DNMT3L: variants seen among roughly 807,000 people sequenced by gnomAD.
DNMT3L encodes DNA methyltransferase 3 like.
A neutral mutation model predicts 36.2 loss-of-function variants in DNMT3L; 33 were observed. The ratio of observed to expected loss-of-function variants is 0.91; its 90% CI spans 0.69 to 1.22. DNMT3L has a LOEUF of 1.22. Ranked by LOEUF, DNMT3L falls within the 50% of genes most tolerant of loss-of-function variation. DNMT3L has a pLI of 0.00. For synonymous variants in DNMT3L, 117 were observed against 121.7 expected (o/e 0.96, Z 0.26); for missense variants, 310 against 303.1 (o/e 1.02, Z -0.17).
intron 3 of DNMT3L, 114 bp from the exon 4 acceptor site, chr21:44,259,825 G>T: frequency 9.2e-7 from 1 of 1,087,992 alleles, no homozygotes; most frequent in Non-Finnish European, 1.4e-6. Flanking sequence ...AAACTGCAAA[G>T]TATTGTTGGA....
Position 44,261,211 on chromosome 21 carries a change from C to G in DNMT3L, c.49G>C (p.Val17Leu). 1 of 1,612,722 alleles carries G rather than the reference C, an allele frequency of 6.2e-7. No homozygotes were observed. The highest frequency in any genetic ancestry group is 1.1e-5 in the South Asian group (1 of 91,088). The change falls in exon 2 of 12, where the codon GTG becomes CTG. Residue 17 changes from valine (V) to leucine (L), a missense_variant. Val to Leu is a conservative substitution (Grantham distance 32). Transcript: ENST00000628202. ...LDPEAEPSMDVILVGSSELSS... is the reference protein window; with the variant it reads ...LDPEAEPSMDLILVGSSELSS... The stretch of plus-strand genomic sequence containing the variant: ...AGCTCACTGGATCCCACCAAAATCA[C>G]GTCCATGCTGGGCTCGGCCTCTGGG...
chr21:44,254,589 G>C lies in DNMT3L; in HGVS notation c.693+28C>G, dbSNP rs938535860. On this transcript the variant is annotated intron_variant, in intron 8 of 11. Transcript: ENST00000628202. ...AGCTCGCACCCCCGCTCCCACTACAGTGTCTGAGAGTTCACGGCGGTACTC... is the reference window on the plus strand; with the variant it reads ...AGCTCGCACCCCCGCTCCCACTACACTGTCTGAGAGTTCACGGCGGTACTC... 40 of 1,611,512 alleles carry C rather than the reference G, an allele frequency of 2.5e-5. No homozygotes were observed. In the Admixed American group the frequency reaches 6.5e-4, roughly 26 times the overall value.
intron 8 of DNMT3L, among the ~76,000 whole-genome samples, chr21:44,254,001 G>A (rs1425373949): frequency 6.6e-6 from 1 of 152,178 alleles, no homozygotes; most frequent in Non-Finnish European, 1.5e-5. Context: ...CGGAGGTGAG[G>A]GGGGGCTGCT....
At chr21:44,259,734 ACT>A in intron 3 of DNMT3L, 23 bp from the exon 4 acceptor site, 1 of 1,597,414 alleles carries the variant, frequency 6.3e-7, no homozygotes, top group Non-Finnish European at 8.5e-7. Context: ...TTCAAAGCAC[ACT>A]GTGTTTTCCC....
chr21:44,255,501 G>GCC (rs1462518474), intron 7 of DNMT3L, among the ~76,000 whole-genome samples: 10 of 59,224 alleles, frequency 1.7e-4, no homozygotes, highest in African/African-American at 1.5e-3. Context: ...GCGAGACTCC[G>GCC]CCTCAAAAAA....
intron 7 of DNMT3L, among the ~76,000 whole-genome samples, chr21:44,254,939 C>T (rs576332472): frequency 6.6e-6 from 1 of 152,288 alleles, no homozygotes; most frequent in South Asian, 2.1e-4. Context: ...GGTTCCCCTG[C>T]CTCAACCTCC....
intron 7 of DNMT3L, among the ~76,000 whole-genome samples, chr21:44,255,366 C>A (rs986726604): frequency 1.1e-4 from 16 of 151,940 alleles, no homozygotes; most frequent in African/African-American, 3.6e-4. Flanking sequence ...ACTAAAAACA[C>A]AAAAATTAGC....
chr21:44,254,554 C>A (rs2040242529), intron 8 of DNMT3L, 63 bp downstream of exon 8: 1 of 1,574,602 alleles, frequency 6.4e-7, no homozygotes, highest in Non-Finnish European at 8.7e-7. Context: ...CTTGGCATTT[C>A]CTCTGAGGAA....
In DNMT3L at chr21:44,257,456, C is replaced by T. The variant is rs1471679099; in HGVS notation, c.516+1067G>A. 1.5e-3 allele frequency among the ~76,000 whole-genome samples: 227 copies of T among 151,752 alleles called. 1 individual carries two copies. The highest frequency in any genetic ancestry group is 4.1e-3 in the African/African-American group (170 of 41,364). Reference sequence around the variant, plus strand: ...CAGCACTTTGGGAGGCCGAGGCGGGCGGATCACGAGGTCAGGAGATCGAGA... The same window carrying T: ...CAGCACTTTGGGAGGCCGAGGCGGGTGGATCACGAGGTCAGGAGATCGAGA... On this transcript the variant is annotated intron_variant, in intron 6 of 11. Transcript: ENST00000628202.
chr21:44,257,593 A>C (rs2040270569), intron 6 of DNMT3L, among the ~76,000 whole-genome samples: 1 of 148,704 alleles, frequency 6.7e-6, no homozygotes, highest in Non-Finnish European at 1.5e-5. Context: ...AGGCAGGAGA[A>C]TGGCGTGAAC....
chr21:44,257,675 C>T (rs1423825799), intron 6 of DNMT3L, among the ~76,000 whole-genome samples: 4 of 96,220 alleles, frequency 4.2e-5, no homozygotes, highest in South Asian at 6.4e-4. Flanking sequence ...AGCGAGACTC[C>T]GTCTCAAAAA....
intron 1 of DNMT3L, among the ~76,000 whole-genome samples, 197 bp from the exon 2 acceptor site, chr21:44,261,463 G>T (rs572366785): frequency 6.6e-6 from 1 of 152,204 alleles, no homozygotes; most frequent in Non-Finnish European, 1.5e-5. Flanking sequence ...GCCCTGAGAG[G>T]GGCTCAAGGG....
At position 44,258,535 on chromosome 21, in the gene DNMT3L, G is replaced by A. The variant is rs61740928; in HGVS notation, c.504C>T (p.Tyr168=). Residue 168 remains tyrosine, a synonymous_variant, in exon 6 of 12, where the codon TAC becomes TAT. Coordinates refer to ENST00000628202, the MANE Select transcript of DNMT3L (RefSeq NM_175867.3). This position sits in a 1 kb window ranked among gnomAD's most constrained non-coding sequence, Gnocchi z 6.2. ...RKWRSQLKAF[Y]DRESENPLEM... is the part of the protein sequence containing the mutation. ...ACGGGCTCCTTACCGACTCTCGGTC[G>A]TAGAAGGCCTTGAGCTGGCTGCGCC... is the stretch of plus-strand genomic sequence containing the variant. The A allele has an allele frequency of 5.5e-5, 86 of 1,576,948 alleles. No individual in the cohort carries two copies. Among genetic ancestry groups the A allele is most frequent in the African/African-American group, 3.9e-4 (29 of 74,304 alleles).
chr21:44,255,914 G>T (rs1416260488), intron 7 of DNMT3L, among the ~76,000 whole-genome samples, 153 bp downstream of exon 7: 3 of 151,976 alleles, frequency 2.0e-5, no homozygotes, highest in East Asian at 3.9e-4. Flanking sequence ...CCCAGTGCAG[G>T]GTTAGCATGG....
chr21:44,260,887 T>C, intron 2 of DNMT3L, 48 bp from the exon 3 acceptor site: 1 of 1,612,434 alleles, frequency 6.2e-7, no homozygotes, highest in Admixed American at 1.7e-5. Flanking sequence ...CTCTGATCTC[T>C]TAATTTAAAT....
Position 44,258,633 on chromosome 21 carries a change from C to T in DNMT3L, c.406G>A (p.Ala136Thr), listed in dbSNP as rs796569036. ...VGPGTSGKVH[A>T]MSNWVCYLCL... ...AGGTAGCACACCCAGTTGCTCATGG[C>T]GTGCACCTTCCCCGAGGTCCCGGGG... The change falls in exon 6 of 12, where the codon GCC becomes ACC. Residue 136 changes from alanine (A) to threonine (T), a missense_variant. By Grantham distance (58) the Ala-to-Thr change is moderately conservative. Transcript: ENST00000628202. The surrounding 1 kb of genome is among the most constrained non-coding windows in gnomAD (Gnocchi z 6.2). The T allele has an allele frequency of 1.4e-5, 22 of 1,612,720 alleles. No individual in the cohort carries two copies. The highest frequency in any genetic ancestry group is 1.7e-5 in the Non-Finnish European group (20 of 1,179,970).
In DNMT3L at chr21:44,258,692, C is replaced by T; in HGVS notation, c.347G>A (p.Cys116Tyr). The T allele has an allele frequency of 6.2e-7, 1 of 1,611,660 alleles. No individual in the cohort carries two copies. Among genetic ancestry groups the T allele is most frequent in the Non-Finnish European group, 8.5e-7 (1 of 1,179,174 alleles). ...LICGNPDCTR[C>Y]YCFECVDSLV... is the part of the protein sequence containing the mutation. ...GCTATCCACACACTCGAAGCAGTAG[C>T]ATCTAAGGCCAGACAGAAAACCACA... is the stretch of plus-strand genomic sequence containing the variant. Residue 116 changes from cysteine (C) to tyrosine (Y), a missense_variant and splice_region_variant, in exon 6 of 12, where the codon TGC becomes TAC. Coordinates refer to ENST00000628202, the MANE Select transcript of DNMT3L (RefSeq NM_175867.3). The surrounding 1 kb of genome is among the most constrained non-coding windows in gnomAD (Gnocchi z 6.2).
At chr21:44,253,901 C>T (rs944068617) in intron 8 of DNMT3L, among the ~76,000 whole-genome samples, 3 of 152,156 alleles carry the variant, frequency 2.0e-5, no homozygotes, top group Non-Finnish European at 4.4e-5. Flanking sequence ...TGTCCTTCCA[C>T]GATGTAGCAA....
chr21:44,259,018 A>G (rs1348484175), intron 5 of DNMT3L, among the ~76,000 whole-genome samples: 8 of 152,166 alleles, frequency 5.3e-5, no homozygotes, highest in Admixed American at 5.2e-4. Flanking sequence ...ATGTAGCAAC[A>G]GCAGCTGGGG....
Sources: gnomAD v4.1 joint callset for allele counts (sites outside exome capture counted in the v4.1 genomes callset) on GRCh38, gnomAD v4.1.1 for gene constraint, Gnocchi (gnomAD v3.1) non-coding constraint, MANE v1.5 for transcripts, NCBI Gene and HGNC (gene_info 2026-07-23, HGNC 2026-07-21) for gene names.